MED14: variants seen among roughly 807,000 people sequenced by gnomAD.
The protein encoded by MED14 is mediator of RNA polymerase II transcription subunit 14.
In MED14, 8 loss-of-function variants were observed where a neutral mutation model predicts 109.0. The observed-to-expected ratio is 0.07, with a 90% CI of 0.04 to 0.13. The LOEUF (loss-of-function observed/expected upper bound fraction) is 0.13. MED14 is among the 10% of genes least tolerant of loss of function. MED14 has a pLI of 1.00. For synonymous variants in MED14, 399 were observed against 408.7 expected (o/e 0.98, Z 0.29); for missense variants, 711 against 1,142.4 (o/e 0.62, Z 5.44).
chrX:40,702,346 G>GTTTTT (rs35345632), intron 11 of MED14, among the ~76,000 whole-genome samples: 13 of 82,173 alleles, frequency 1.6e-4, no homozygotes, highest in African/African-American at 3.0e-4. Flanking sequence ...TATAAGTTTT[G>GTTTTT]TTTTTTTTTT....
At position 40,682,599 on chromosome X, in the gene MED14, G is replaced by A. The variant is rs1477167719; in HGVS notation, c.2365+4C>T. 14 of 1,145,964 alleles carry A rather than the reference G, an allele frequency of 1.2e-5. No homozygotes were observed. The highest frequency in any genetic ancestry group is 2.0e-5 in the South Asian group (1 of 49,042). The allele number at this position is 1,145,964 out of a possible 1,213,427, so 94.4% of individuals were successfully genotyped here. A position where few individuals can be genotyped will look rare whatever the true frequency, so the allele number is the denominator to read the frequency against. Reference sequence around the variant, plus strand: ...TTTAAAAAGGAGATTATCTCCACACGTACCTGGTAGAGAACGTGCAAATTC... The same window carrying A: ...TTTAAAAAGGAGATTATCTCCACACATACCTGGTAGAGAACGTGCAAATTC... On this transcript the variant is annotated splice_donor_region_variant and intron_variant, in intron 18 of 30. Transcript: ENST00000324817.
chrX:40,672,535 G>C (rs1302994115), intron 22 of MED14, among the ~76,000 whole-genome samples: 1 of 112,206 alleles, frequency 8.9e-6, no homozygotes, highest in Non-Finnish European at 1.9e-5. Context: ...AGTGGCAAAC[G>C]AGAGTTTCAG....
chrX:40,703,323 T>A (rs953010769), intron 11 of MED14, 121 bp downstream of exon 11: 4 of 561,852 alleles, frequency 7.1e-6, no homozygotes, highest in Non-Finnish European at 1.1e-5. Flanking sequence ...ATGGTTTCCA[T>A]ACCCACTTTC....
chrX:40,729,448 A>G (rs1206479585), intron 1 of MED14, 103 bp from the exon 2 acceptor site: 23 of 784,787 alleles, frequency 2.9e-5, no homozygotes, highest in Non-Finnish European at 3.8e-5. Context: ...TGTTTCAGAA[A>G]AACTGGGTAA....
At chrX:40,732,468 G>A (rs938429030) in intron 1 of MED14, among the ~76,000 whole-genome samples, 14 of 108,068 alleles carry the variant, frequency 1.3e-4, no homozygotes, top group African/African-American at 4.1e-4. Flanking sequence ...GCAGCAAGCC[G>A]AGATCACACC....
intron 3 of MED14, among the ~76,000 whole-genome samples, chrX:40,716,951 TA>T (rs1180547586): frequency 2.7e-5 from 3 of 111,426 alleles, no homozygotes; most frequent in African/African-American, 3.3e-5. Flanking sequence ...ATGTGGGAGT[TA>T]AAAAAGTGGA....
At chrX:40,734,439 G>C (rs969976446) in intron 1 of MED14, among the ~76,000 whole-genome samples, 1 of 112,282 alleles carries the variant, frequency 8.9e-6, no homozygotes, top group African/African-American at 3.2e-5. Flanking sequence ...TGATAACCCT[G>C]ATCTGAAGTC....
chrX:40,668,837 A>G (rs1929620789), intron 23 of MED14, among the ~76,000 whole-genome samples: 1 of 112,267 alleles, frequency 8.9e-6, no homozygotes. Context: ...TGAATATGGT[A>G]TCTCTCTGTC....
intron 13 of MED14, among the ~76,000 whole-genome samples, chrX:40,696,279 C>T (rs1930721400): frequency 9.2e-6 from 1 of 108,754 alleles, no homozygotes; most frequent in Admixed American, 9.9e-5. Flanking sequence ...GGACTACAGG[C>T]GCCCGCCACC....
Position 40,659,287 on chromosome X carries a change from C to T in MED14, c.3912G>A (p.Lys1304=), listed in dbSNP as rs779431083. The stretch of plus-strand genomic sequence containing the variant: ...GGATGTGTGTAGGAGCTCCTAATAG[C>T]TTGGTGAAGGCTATTAACGTATTAG... The part of the protein sequence containing the change: ...FKANTLIAFT[K]LLGAPTHILR... Residue 1304 remains lysine (K), a synonymous_variant, in exon 28 of 31, where the codon AAG becomes AAA. Transcript: ENST00000324817. 8.6e-6 allele frequency: 10 copies of T among 1,166,995 alleles called. No homozygotes were observed. The highest frequency in any genetic ancestry group is 1.1e-5 in the Non-Finnish European group (10 of 871,960).
At chrX:40,687,411 T>C (rs1450967740) in intron 16 of MED14, among the ~76,000 whole-genome samples, 1 of 111,898 alleles carries the variant, frequency 8.9e-6, no homozygotes, top group African/African-American at 3.3e-5. Flanking sequence ...TTCAATTTAT[T>C]CTCCATATTG....
intron 21 of MED14, among the ~76,000 whole-genome samples, chrX:40,677,954 T>C (rs1176718819): frequency 8.9e-6 from 1 of 111,802 alleles, no homozygotes; most frequent in African/African-American, 3.3e-5. Context: ...CAGACAATGA[T>C]TGCAACCTAG....
chrX:40,695,491 G>C (rs1033713050), intron 13 of MED14, among the ~76,000 whole-genome samples: 14 of 111,999 alleles, frequency 1.3e-4, no homozygotes, highest in Non-Finnish European at 2.6e-4. Flanking sequence ...TTTGGTCTAA[G>C]CCATATGAAA....
At chrX:40,658,167 T>C (rs1929129086) in intron 28 of MED14, among the ~76,000 whole-genome samples, 1 of 109,703 alleles carries the variant, frequency 9.1e-6, no homozygotes, top group Non-Finnish European at 1.9e-5. Context: ...CTCGGCTCAC[T>C]GCAACCTCCG....
intron 8 of MED14, 97 bp from the exon 9 acceptor site, chrX:40,710,226 T>C: frequency 2.0e-6 from 1 of 510,798 alleles, no homozygotes; most frequent in Non-Finnish European, 3.0e-6. Flanking sequence ...AGCCACAGCC[T>C]GGAATACGGC....
intron 3 of MED14, among the ~76,000 whole-genome samples, chrX:40,716,527 C>T (rs760431306): frequency 2.0e-4 from 22 of 107,549 alleles, no homozygotes; most frequent in Non-Finnish European, 4.0e-4. Flanking sequence ...GAGGTTGACG[C>T]TGCAAAGAGC....
At position 40,666,694 on chromosome X, in the gene MED14, A is replaced by G. The variant is rs773296606; in HGVS notation, c.3265+26T>C. On this transcript the variant is annotated intron_variant, in intron 24 of 30. Coordinates refer to ENST00000324817, the MANE Select transcript of MED14 (RefSeq NM_004229.4). ...TATTTTCACATCAAGCTCTTATGCT[A>G]TATCGATTTCCATGTATGGACTCAC... is the stretch of plus-strand genomic sequence containing the variant. 13 of 1,200,855 alleles carry G rather than the reference A, an allele frequency of 1.1e-5. No homozygotes were observed. In the African/African-American group the frequency reaches 1.2e-4, roughly 11 times the overall value.
intron 15 of MED14, among the ~76,000 whole-genome samples, chrX:40,689,412 G>A (rs992103453): frequency 1.8e-5 from 2 of 111,807 alleles, no homozygotes; most frequent in African/African-American, 3.3e-5. Flanking sequence ...ATAAACATCC[G>A]GCCAGATGCG....
intron 3 of MED14, among the ~76,000 whole-genome samples, chrX:40,719,832 C>A (rs972710517): frequency 8.9e-6 from 1 of 111,861 alleles, no homozygotes; most frequent in Non-Finnish European, 1.9e-5. Context: ...AAAAAAATAT[C>A]TAGGAGAATG....
Sources: gnomAD v4.1 joint callset for allele counts (sites outside exome capture counted in the v4.1 genomes callset) on GRCh38, gnomAD v4.1.1 for gene constraint, MANE v1.5 for transcripts, NCBI Gene and HGNC (gene_info 2026-07-23, HGNC 2026-07-21) for gene names.